HYDIN: variants seen among roughly 807,000 people sequenced by gnomAD.
The protein encoded by HYDIN is HYDIN axonemal central pair apparatus protein, also known as axonemal central pair apparatus protein HYDIN.
In HYDIN, 132 loss-of-function variants were observed where a neutral mutation model predicts 403.9. The ratio of observed to expected loss-of-function variants is 0.33; its 90% CI spans 0.28 to 0.38. The LOEUF is 0.38. Among genes scored for constraint, HYDIN ranks in the 10% least tolerant of loss-of-function variants. The probability of loss-of-function intolerance (pLI) is 1.00; values close to 1 mark genes in which losing one functional copy is unlikely to be tolerated. For synonymous variants in HYDIN, 1,202 were observed against 1,891.7 expected (o/e 0.64, Z 9.46); for missense variants, 2,827 against 5,009.5 (o/e 0.56, Z 13.15).
chr16:71,069,139 C>T (rs1265747049), intron 14 of HYDIN, 128 bp downstream of exon 14: 8 of 883,622 alleles, frequency 9.1e-6, no homozygotes, highest in East Asian at 2.5e-5. Flanking sequence ...CCCACGTTTC[C>T]CTGTAAATTG....
intron 1 of HYDIN, among the ~76,000 whole-genome samples, chr16:71,196,100 A>C (rs2087687346): frequency 1.3e-5 from 2 of 152,258 alleles, no homozygotes; most frequent in South Asian, 2.1e-4. Context: ...CAAGTATTAT[A>C]GTTTCAAAAC....
rs1392650660 is a variant in HYDIN, at chr16:70,803,057, T to A, written c.*4523A>T. Among the ~76,000 whole-genome samples the A allele has an allele frequency of 6.6e-6, 1 of 152,262 alleles. No individual in the cohort carries two copies. Among genetic ancestry groups the A allele is most frequent in the East Asian group, 1.9e-4 (1 of 5,204 alleles). The stretch of plus-strand genomic sequence containing the variant: ...GCATTTCCACGGGACGCATATCTAA[T>A]ATATTTCATGTTTCTTTTGCTTTTT... On this transcript the variant is annotated 3_prime_UTR_variant, in exon 86 of 86. Transcript: ENST00000393567.
In HYDIN at chr16:70,806,439, A is replaced by G. The variant is rs953592219; in HGVS notation, c.*1141T>C. On this transcript the variant is annotated 3_prime_UTR_variant, in exon 86 of 86. Coordinates refer to ENST00000393567, the MANE Select transcript of HYDIN (RefSeq NM_001270974.2). ...AGAAGAGTCTCCCTCCATGAAAGCC[A>G]CCTCTGACAGGTATAAGGACTTGCT... Among the ~76,000 whole-genome samples, 2 of 152,170 alleles carry G rather than the reference A, an allele frequency of 1.3e-5. No homozygotes were observed. Among genetic ancestry groups the G allele is most frequent in the African/African-American group, 4.8e-5 (2 of 41,426 alleles).
At chr16:71,229,555 C>A (rs148369473) in intron 1 of HYDIN, among the ~76,000 whole-genome samples, 1 of 152,102 alleles carries the variant, frequency 6.6e-6, no homozygotes, top group Non-Finnish European at 1.5e-5. Context: ...TAGAATAGTA[C>A]GCAGCAATGA....
At chr16:70,826,218 T>A (rs1325555046) in intron 83 of HYDIN, among the ~76,000 whole-genome samples, 1 of 121,928 alleles carries the variant, frequency 8.2e-6, no homozygotes, top group African/African-American at 3.2e-5. Context: ...TTTCTCCACA[T>A]CCTTGCTGAT....
intron 8 of HYDIN, among the ~76,000 whole-genome samples, chr16:71,136,627 C>T (rs1346967831): frequency 4.9e-5 from 7 of 142,412 alleles, no homozygotes; most frequent in South Asian, 2.3e-4. Context: ...ATTAGCCGGG[C>T]GTGGTGGTGG....
intron 7 of HYDIN, among the ~76,000 whole-genome samples, chr16:71,138,947 G>T (rs1009196231): frequency 6.6e-6 from 1 of 152,098 alleles, no homozygotes; most frequent in Non-Finnish European, 1.5e-5. Flanking sequence ...AGCTGGGCAT[G>T]GTGGCGCATG....
chr16:71,084,533 T>C (rs1444615186), intron 12 of HYDIN, among the ~76,000 whole-genome samples: 2 of 151,378 alleles, frequency 1.3e-5, no homozygotes, highest in Non-Finnish European at 2.9e-5. Flanking sequence ...ATTACAGGCA[T>C]GCATCACCAT....
chr16:71,218,947 C>T (rs2089041579), intron 1 of HYDIN, among the ~76,000 whole-genome samples: 1 of 152,166 alleles, frequency 6.6e-6, no homozygotes, highest in Admixed American at 6.5e-5. Context: ...TTCATAAACA[C>T]AAATTTCTGC....
rs2035144185 is a variant in HYDIN, at chr16:70,807,159, G to GCC, written c.*420_*421insGG. On this transcript the variant is annotated 3_prime_UTR_variant, in exon 86 of 86. Transcript: ENST00000393567. ...CAGAATAAAATGCCACATCAAAATAGTCATGTCTAAGGGCTTTTTAAACCA... is the reference window on the plus strand; with the variant it reads ...CAGAATAAAATGCCACATCAAAATAGCCTCATGTCTAAGGGCTTTTTAAACCA... 2.0e-5 allele frequency among the ~76,000 whole-genome samples: 3 copies of GCC among 152,196 alleles called. No individual in the cohort carries two copies. Among genetic ancestry groups the GCC allele is most frequent in the African/African-American group, 7.2e-5 (3 of 41,460 alleles).
intron 20 of HYDIN, among the ~76,000 whole-genome samples, chr16:71,026,422 A>C (rs2080701820): frequency 6.6e-6 from 1 of 152,180 alleles, no homozygotes; most frequent in Non-Finnish European, 1.5e-5. Flanking sequence ...GGATGCTTTT[A>C]GTAAAGCTTA....
At chr16:71,198,793 T>C (rs1413372299) in intron 1 of HYDIN, among the ~76,000 whole-genome samples, 1 of 152,200 alleles carries the variant, frequency 6.6e-6, no homozygotes, top group Non-Finnish European at 1.5e-5. Context: ...ACTCACTTCA[T>C]GTGATCTGTT....
rs61548709 is a variant in HYDIN at position 71,029,089 on chromosome 16, G to A, written c.2769-1214C>T. 8.1e-3 allele frequency among the ~76,000 whole-genome samples: 1,226 copies of A among 152,134 alleles called. 12 individuals carry two copies. The highest frequency in any genetic ancestry group is 0.027 in the African/African-American group (1,132 of 41,500). On this transcript the variant is annotated intron_variant, in intron 19 of 85. Transcript: ENST00000393567. ...TGTCTAAAAATATGCAATTAGAAGC[G>A]GCAGCGTATGGCTATTTCTTTAGAG... is the stretch of plus-strand genomic sequence containing the variant.
chr16:70,874,853 T>C lies in HYDIN; in HGVS notation c.10624A>G (p.Ile3542Val). The C allele has an allele frequency of 1.9e-6, 3 of 1,613,562 alleles. No homozygotes were observed. The highest frequency in any genetic ancestry group is 1.7e-4 in the Middle Eastern group (1 of 6,060). Residue 3542 changes from isoleucine (I) to valine (V), a missense_variant, in exon 63 of 86, where the codon ATC becomes GTC. Ile to Val is a conservative substitution (Grantham distance 29). Transcript: ENST00000393567. ...GGTTTATTTTCCTCTGTGATGTAGA[T>C]ATACGCGGTGGTGGGCCTCCCTTTC... ...SLKGRPTTAY[I>V]YITEENKPHV...
At chr16:70,966,118 C>T (rs2078565266) in intron 36 of HYDIN, among the ~76,000 whole-genome samples, 1 of 151,614 alleles carries the variant, frequency 6.6e-6, no homozygotes, top group African/African-American at 2.4e-5. Context: ...CCAGAGCTTC[C>T]TGTGCGATTA....
intron 47 of HYDIN, among the ~76,000 whole-genome samples, chr16:70,911,544 G>T (rs2076695869): frequency 8.0e-6 from 1 of 125,772 alleles, no homozygotes; most frequent in East Asian, 2.1e-4. Context: ...ATCAGGTAGT[G>T]TGATGCCTCC....
intron 7 of HYDIN, among the ~76,000 whole-genome samples, chr16:71,151,596 T>A (rs1443255277): frequency 2.0e-5 from 3 of 152,030 alleles, no homozygotes; most frequent in Non-Finnish European, 4.4e-5. Context: ...CTGTGGGTTC[T>A]TCATCTTGTG....
chr16:71,188,264 GC>G (rs2087252951), intron 1 of HYDIN, among the ~76,000 whole-genome samples: 1 of 152,022 alleles, frequency 6.6e-6, no homozygotes. Flanking sequence ...CAAGCAGCTG[GC>G]ACTACTGGAT....
chr16:70,861,447 G>A (rs1316050941), intron 69 of HYDIN, among the ~76,000 whole-genome samples: 2 of 152,104 alleles, frequency 1.3e-5, no homozygotes, highest in African/African-American at 4.8e-5. Flanking sequence ...ACTCCTTCAA[G>A]TTTTCCTGGG....
Sources: gnomAD v4.1 joint callset for allele counts (sites outside exome capture counted in the v4.1 genomes callset) on GRCh38, gnomAD v4.1.1 for gene constraint, MANE v1.5 for transcripts, NCBI Gene and HGNC (gene_info 2026-07-23, HGNC 2026-07-21) for gene names.